DST: variants seen among roughly 807,000 people sequenced by gnomAD.
The protein encoded by DST is dystonin.
A neutral mutation model predicts 875.2 loss-of-function variants in DST; 253 were observed. That is an observed-to-expected ratio of 0.29 (90% CI 0.26 to 0.32). DST has a LOEUF of 0.32. Among genes scored for constraint, DST ranks in the 10% least tolerant of loss-of-function variants. DST has a pLI of 1.00. For synonymous variants in DST, 3,124 were observed against 3,197.1 expected, an observed-to-expected ratio of 0.98 and a Z score of 0.77; for missense variants, 8,287 against 9,111.6, an observed-to-expected ratio of 0.91 and a Z score of 3.68.
intron 5 of DST, among the ~76,000 whole-genome samples, chr6:56,704,933 C>T (rs909885961): frequency 6.6e-6 from 1 of 152,194 alleles, no homozygotes; most frequent in Non-Finnish European, 1.5e-5. Context: ...TCTGTCCAAA[C>T]CCTTCCTCTG....
intron 5 of DST, among the ~76,000 whole-genome samples, chr6:56,722,497 C>A (rs756033623): frequency 3.9e-5 from 6 of 152,196 alleles, no homozygotes; most frequent in Non-Finnish European, 1.5e-5. Flanking sequence ...GATTCTCCTG[C>A]CTCAGCCTCC....
chr6:56,607,711 T>C lies in DST; in HGVS notation c.6917A>G (p.Glu2306Gly). 6.2e-7 allele frequency: 1 copy of C among 1,613,494 alleles called. No homozygotes were observed. Among genetic ancestry groups the C allele is most frequent in the Non-Finnish European group, 8.5e-7 (1 of 1,179,660 alleles). ...RKCAIDEEFN[E>G]MRNTVINSEF... Reference sequence around the variant, plus strand: ...ACTATTGATAACAGTATTTCTCATTTCATTAAATTCTTCATCTATAGCACA... The same window carrying C: ...ACTATTGATAACAGTATTTCTCATTCCATTAAATTCTTCATCTATAGCACA... Residue 2306 changes from glutamate (E) to glycine (G), a missense_variant, in exon 40 of 104, where the codon GAA (glutamate) becomes GGA (glycine). Glu to Gly is a moderately conservative substitution (Grantham distance 98). Coordinates refer to ENST00000680361, the MANE Select transcript of DST (RefSeq NM_001374736.1).
chr6:56,786,798 C>T (rs956332110), intron 4 of DST, among the ~76,000 whole-genome samples: 6 of 152,130 alleles, frequency 3.9e-5, no homozygotes, highest in African/African-American at 7.2e-5. Context: ...GCTGGGATTA[C>T]GTGGGAATCA....
chr6:56,598,178 T>G (rs567806077), intron 46 of DST, among the ~76,000 whole-genome samples, 172 bp from the exon 47 acceptor site: 8 of 152,224 alleles, frequency 5.3e-5, no homozygotes, highest in Admixed American at 4.6e-4. Context: ...GGCAGTTACT[T>G]TGAAGTTTCC....
At chr6:56,653,538 A>T (rs2098987588) in intron 10 of DST, among the ~76,000 whole-genome samples, 1 of 152,088 alleles carries the variant, frequency 6.6e-6, no homozygotes, top group African/African-American at 2.4e-5. Flanking sequence ...TGCAAAAATT[A>T]GCCAGGCGTG....
chr6:56,638,934 G>A, intron 22 of DST: 1 of 372,916 alleles, frequency 2.7e-6, no homozygotes, highest in Non-Finnish European at 5.0e-6. Flanking sequence ...AATGAGGCTT[G>A]GCAATACTAT....
chr6:56,903,866 C>T lies in DST; in HGVS notation c.217-3245G>A, dbSNP rs77300132. On this transcript the variant is annotated intron_variant, in intron 2 of 103. Coordinates refer to ENST00000680361, the MANE Select transcript of DST (RefSeq NM_001374736.1). ...CACTGCCTCAGTTATTTCTTTTATACCCAAATTTACTTGTACTATTTTAAA... is the reference window on the plus strand; with the variant it reads ...CACTGCCTCAGTTATTTCTTTTATATCCAAATTTACTTGTACTATTTTAAA... 2.3e-3 allele frequency among the ~76,000 whole-genome samples: 346 copies of T among 152,236 alleles called. 3 individuals carry two copies. The highest frequency in any genetic ancestry group is 0.014 in the Middle Eastern group (4 of 294).
At chr6:56,710,356 A>T (rs1360385889) in intron 5 of DST, among the ~76,000 whole-genome samples, 3 of 152,246 alleles carry the variant, frequency 2.0e-5, no homozygotes, top group Admixed American at 6.5e-5. Flanking sequence ...AGTATTCTGG[A>T]AAACAATCAG....
In DST at chr6:56,592,433, T is replaced by A. The variant is rs374111433; in HGVS notation, c.12727-75A>T. The A allele has an allele frequency of 1.6e-4, 194 of 1,185,982 alleles. No homozygotes were observed. In the African/African-American group the frequency reaches 2.6e-3, roughly 16 times the overall value. The allele number at this position is 1,185,982 out of a possible 1,614,324, so 73.5% of individuals were successfully genotyped here. A position where few individuals can be genotyped will look rare whatever the true frequency, so the allele number is the denominator to read the frequency against. On this transcript the variant is annotated intron_variant, in intron 48 of 103. Coordinates refer to ENST00000680361, the MANE Select transcript of DST (RefSeq NM_001374736.1). ...ATATGCATCAAATAATCTTAGGACC[T>A]ATAAAATATGTAACTTGGAAAAAAA... is the stretch of plus-strand genomic sequence containing the variant.
intron 90 of DST, among the ~76,000 whole-genome samples, chr6:56,481,203 A>T (rs536423591): frequency 6.6e-5 from 10 of 152,338 alleles, no homozygotes; most frequent in African/African-American, 2.4e-4. Context: ...CTACACTAGA[A>T]TTAATGATGT....
intron 4 of DST, among the ~76,000 whole-genome samples, chr6:56,804,383 C>T (rs1037686642): frequency 6.6e-5 from 10 of 152,020 alleles, no homozygotes; most frequent in Admixed American, 3.9e-4. Context: ...AATTATGACC[C>T]TAGTTTCACA....
At chr6:56,569,344 A>AAAAC (rs1406842224) in intron 54 of DST, among the ~76,000 whole-genome samples, 20 of 149,218 alleles carry the variant, frequency 1.3e-4, no homozygotes, top group African/African-American at 3.1e-4. Context: ...AAAAAACAAA[A>AAAAC]ACACACACAC....
Position 56,616,536 on chromosome 6 carries a change from C to T in DST, c.4930-2052G>A, listed in dbSNP as rs2098624256. 1.2e-6 allele frequency: 2 copies of T among 1,614,056 alleles called. No individual in the cohort carries two copies. Among genetic ancestry groups the T allele is most frequent in the Non-Finnish European group, 1.7e-6 (2 of 1,180,036 alleles). ...AAGCATTGGGACTCTACATCAAATA[C>T]ACACATTCGCAGTAATTCTGAGTAA... On this transcript the variant is annotated intron_variant, in intron 36 of 103. Transcript: ENST00000680361.
intron 12 of DST, 62 bp from the exon 13 acceptor site, chr6:56,648,751 C>T: frequency 7.4e-7 from 1 of 1,358,214 alleles, no homozygotes; most frequent in Non-Finnish European, 1.0e-6. Flanking sequence ...ATATCTAAGA[C>T]AATTTAGTCA....
At chr6:56,872,023 T>C (rs1207353374) in intron 3 of DST, among the ~76,000 whole-genome samples, 2 of 152,202 alleles carry the variant, frequency 1.3e-5, no homozygotes, top group Non-Finnish European at 2.9e-5. Context: ...GAAGTTGAAC[T>C]TTCATGTATG....
intron 4 of DST, among the ~76,000 whole-genome samples, chr6:56,797,862 A>C (rs1375830292): frequency 6.6e-6 from 1 of 150,928 alleles, no homozygotes; most frequent in African/African-American, 2.4e-5. Flanking sequence ...TACATGAATG[A>C]TAAGAAACAG....
At chr6:56,729,382 G>C (rs1449377241) in intron 5 of DST, among the ~76,000 whole-genome samples, 2 of 152,140 alleles carry the variant, frequency 1.3e-5, no homozygotes, top group Admixed American at 1.3e-4. Flanking sequence ...CCTCAGGTTA[G>C]GAGTTCGAGA....
chr6:56,889,728 C>A (rs1453844338), intron 3 of DST, among the ~76,000 whole-genome samples: 1 of 152,092 alleles, frequency 6.6e-6, no homozygotes, highest in Non-Finnish European at 1.5e-5. Context: ...CCATACCCAC[C>A]CCCAATCTCA....
Position 56,552,451 on chromosome 6 carries a change from C to G in DST, c.16341G>C (p.Lys5447Asn), listed in dbSNP as rs1441921909. ...AGGTTTCTTCTGTGGCTAACATCAT[C>G]TTGCAGGTTTTATTGGCATTGTCAT... ...ASNDNANKTC[K>N]MMLATEETSP... The change falls in exon 61 of 104, where the codon AAG (lysine) becomes AAC (asparagine). Residue 5447 changes from lysine (K) to asparagine (N), a missense_variant. Coordinates refer to ENST00000680361, the MANE Select transcript of DST (RefSeq NM_001374736.1). The G allele has an allele frequency of 2.5e-6, 4 of 1,613,984 alleles. No individual in the cohort carries two copies. In the African/African-American group the frequency reaches 5.3e-5, roughly 22 times the overall value.
Sources: allele counts gnomAD v4.1 joint callset (sites outside exome capture counted in the v4.1 genomes callset), GRCh38; gene constraint gnomAD v4.1.1; transcripts MANE v1.5; gene names NCBI Gene and HGNC (gene_info 2026-07-23, HGNC 2026-07-21).